MARCO: variants seen among roughly 807,000 people sequenced by gnomAD.
MARCO encodes the protein macrophage receptor with collagenous structure, also known as macrophage receptor MARCO.
A neutral mutation model predicts 70.0 loss-of-function variants in MARCO; 72 were observed. The observed-to-expected ratio is 1.03, with a 90% CI of 0.85 to 1.25. MARCO has a LOEUF of 1.25. Ranked by LOEUF, MARCO falls within the 50% of genes most tolerant of loss-of-function variation. The pLI is 0.00. For missense variants in MARCO, 696 were observed against 659.3 expected, an observed-to-expected ratio of 1.06 and a Z score of -0.61; for synonymous variants, 273 against 243.1, an observed-to-expected ratio of 1.12 and a Z score of -1.14.
At position 118,970,285 on chromosome 2, in the gene MARCO, G is replaced by C; in HGVS notation, c.371G>C (p.Arg124Pro). 1 of 1,614,004 alleles carries C rather than the reference G, an allele frequency of 6.2e-7. No homozygotes were observed. Among genetic ancestry groups the C allele is most frequent in the Non-Finnish European group, 8.5e-7 (1 of 1,180,000 alleles). ...CTGCAGGCCCAACTCACCTGGGTCC[G>C]CGTCAGCCATGAGCACTTGCTGCAG... is the stretch of plus-strand genomic sequence containing the variant. ...QVLQAQLTWV[R>P]VSHEHLLQRV... Residue 124 changes from arginine (R) to proline (P), a missense_variant, in exon 3 of 17, where the codon CGC becomes CCC. Around this residue, in one of 3 missense-constraint regions of MARCO, gnomAD observed 605 missense variants for 537.6 expected, o/e 1.13. Coordinates refer to ENST00000327097, the MANE Select transcript of MARCO (RefSeq NM_006770.4).
intron 12 of MARCO, among the ~76,000 whole-genome samples, chr2:118,986,725 A>AAAG (rs1680521843): frequency 8.0e-6 from 1 of 124,322 alleles, no homozygotes; most frequent in African/African-American, 3.9e-5. Flanking sequence ...AAGAAAGAAA[A>AAAG]GAAAGAAAGA....
rs1271346257 is a variant in MARCO at position 118,971,548 on chromosome 2, C to T, written c.460+14C>T. ...AAGGCGCCCCAGGTAGGTTCATTTC[C>T]ACTCACACCCACCCTGCTCTTTCCC... On this transcript the variant is annotated intron_variant, in intron 4 of 16. Transcript: ENST00000327097. The T allele has an allele frequency of 3.7e-6, 6 of 1,613,540 alleles. No homozygotes were observed. The East Asian group carries it at 1.3e-4, about 36-fold the overall frequency.
intron 12 of MARCO, among the ~76,000 whole-genome samples, chr2:118,984,401 C>A (rs2104600823): frequency 6.6e-6 from 1 of 152,310 alleles, no homozygotes. Flanking sequence ...CTGCTGAATA[C>A]CCTTATGGAG....
At chr2:118,992,994 C>A in intron 15 of MARCO, 130 bp from the exon 16 acceptor site, 1 of 839,134 alleles carries the variant, frequency 1.2e-6, no homozygotes, top group Non-Finnish European at 1.9e-6. Context: ...CTTCCAGGCT[C>A]TGGTGACAGT....
chr2:118,989,069 G>A (rs78896821), intron 12 of MARCO, among the ~76,000 whole-genome samples: 1,552 of 152,312 alleles, frequency 0.01, 18 homozygotes, highest in African/African-American at 0.036. Context: ...ACTCAAGTCC[G>A]GGCTGTCAGA....
At chr2:118,977,286 G>A (rs1680300762) in intron 6 of MARCO, among the ~76,000 whole-genome samples, 185 bp from the exon 7 acceptor site, 1 of 152,004 alleles carries the variant, frequency 6.6e-6, no homozygotes, top group African/African-American at 2.4e-5. Flanking sequence ...GCAATCATAT[G>A]TGTGTGATTG....
intron 12 of MARCO, among the ~76,000 whole-genome samples, chr2:118,986,692 A>G (rs61399282): frequency 0.073 from 6,885 of 94,238 alleles, 591 homozygotes; most frequent in East Asian, 0.33. Context: ...AAAGAAAGAA[A>G]GAAAGAAAGA....
chr2:118,984,534 G>A (rs114096097), intron 12 of MARCO, among the ~76,000 whole-genome samples: 3,131 of 152,252 alleles, frequency 0.021, 38 homozygotes, highest in African/African-American at 0.04. Context: ...GATAATTCCC[G>A]TTTATCTAAA....
In MARCO at chr2:118,942,338, T is replaced by C. The variant is rs764212017; in HGVS notation, c.38T>C (p.Leu13Ser). Reference sequence around the variant, plus strand: ...AAAATTCTCAAGGAGGACGAGCTCTTGAGTGAGACCCAACAAGCTGCTTTT... The same window carrying C: ...AAAATTCTCAAGGAGGACGAGCTCTCGAGTGAGACCCAACAAGCTGCTTTT... ...NKKILKEDEL[L>S]SETQQAAFHQ... Residue 13 changes from leucine to serine, a missense_variant, in exon 1 of 17, where the codon TTG becomes TCG. Physicochemically the swap from Leu to Ser is moderately radical, Grantham distance 145. Transcript: ENST00000327097. 1.1e-5 allele frequency: 18 copies of C among 1,613,782 alleles called. No homozygotes were observed. The highest frequency in any genetic ancestry group is 1.4e-5 in the Non-Finnish European group (16 of 1,179,846).
At chr2:118,969,342 G>T in intron 2 of MARCO, 81 bp downstream of exon 2, 1 of 1,057,090 alleles carries the variant, frequency 9.5e-7, no homozygotes, top group South Asian at 1.3e-5. Context: ...AAGGGCTCAG[G>T]TTGAGTGGAG....
intron 4 of MARCO, among the ~76,000 whole-genome samples, chr2:118,972,976 G>A (rs564767999): frequency 5.3e-5 from 8 of 152,054 alleles, no homozygotes; most frequent in Admixed American, 2.6e-4. Flanking sequence ...ATAGATGTGC[G>A]TACATAGAGG....
intron 1 of MARCO, among the ~76,000 whole-genome samples, chr2:118,962,160 C>T (rs1679961684): frequency 1.3e-5 from 2 of 152,134 alleles, no homozygotes. Flanking sequence ...TGTGATGCCT[C>T]CAGCTCTGTT....
chr2:118,975,272 G>A (rs1680258316), intron 6 of MARCO, among the ~76,000 whole-genome samples: 1 of 152,110 alleles, frequency 6.6e-6, no homozygotes, highest in African/African-American at 2.4e-5. Flanking sequence ...ACTCCAACTT[G>A]CAAATTCCGC....
intron 1 of MARCO, among the ~76,000 whole-genome samples, chr2:118,966,363 C>T (rs955192074): frequency 6.6e-6 from 1 of 152,118 alleles, no homozygotes; most frequent in South Asian, 2.1e-4. Context: ...AGCAGCTCTT[C>T]CTCTTTGGTC....
chr2:118,982,192 G>A lies in MARCO; in HGVS notation c.938G>A (p.Gly313Asp). The change falls in exon 11 of 17, where the codon GGT becomes GAT. Residue 313 changes from glycine to aspartate, a missense_variant. Around this residue, in one of 3 missense-constraint regions of MARCO, gnomAD observed 605 missense variants for 537.6 expected, o/e 1.13. Coordinates refer to ENST00000327097, the MANE Select transcript of MARCO (RefSeq NM_006770.4). ...PGLQGVPGPP[G>D]AVGHPGAKGE... is the part of the protein sequence containing the mutation. ...CTGCAGGGTGTTCCGGGCCCTCCTG[G>A]TGCAGTGGGACACCCAGGTGCCAAG... 1 of 1,613,260 alleles carries A rather than the reference G, an allele frequency of 6.2e-7. No homozygotes were observed. The highest frequency in any genetic ancestry group is 8.5e-7 in the Non-Finnish European group (1 of 1,179,420).
chr2:118,978,745 G>T (rs10164902), intron 8 of MARCO, among the ~76,000 whole-genome samples: 18,935 of 152,208 alleles, frequency 0.12, 2,148 homozygotes, highest in African/African-American at 0.3. Context: ...ACAGTAATAA[G>T]GGTTAGAGAC....
chr2:118,977,408 G>T, intron 6 of MARCO, 63 bp from the exon 7 acceptor site: 1 of 1,316,912 alleles, frequency 7.6e-7, no homozygotes, highest in Admixed American at 1.7e-5. Context: ...AATGTCAGCT[G>T]ATTAAAGACA....
At chr2:118,952,985 C>T (rs1679753475) in intron 1 of MARCO, 1 of 152,186 alleles carries the variant, frequency 6.6e-6, no homozygotes, top group African/African-American at 2.4e-5. Flanking sequence ...CAGGAGAACA[C>T]TTGAACAAAG....
chr2:118,955,441 A>G (rs1452992073), intron 1 of MARCO, among the ~76,000 whole-genome samples: 1 of 152,120 alleles, frequency 6.6e-6, no homozygotes, highest in Admixed American at 6.5e-5. Context: ...AACCTCCAAG[A>G]AGTCTGGAAT....
Sources: gnomAD v4.1 joint callset for allele counts (sites outside exome capture counted in the v4.1 genomes callset) on GRCh38, gnomAD v4.1.1 for gene constraint, gnomAD v4.1.1 regional missense constraint, MANE v1.5 for transcripts, NCBI Gene and HGNC (gene_info 2026-07-23, HGNC 2026-07-21) for gene names.